Variants in CDC42BPB observed in about 807,000 individuals in gnomAD.
CDC42BPB encodes serine/threonine-protein kinase MRCK beta.
CDC42BPB carries 37 observed loss-of-function variants against 214.9 expected under a neutral mutation model. That is an observed-to-expected ratio of 0.17 (90% CI 0.13 to 0.23). CDC42BPB has a LOEUF of 0.23. Among genes scored for constraint, CDC42BPB ranks in the 10% least tolerant of loss-of-function variants. The probability of loss-of-function intolerance (pLI) is 1.00; values close to 1 mark genes in which losing one functional copy is unlikely to be tolerated. For synonymous variants in CDC42BPB, 931 were observed against 884.0 expected (o/e 1.05, Z -0.94); for missense variants, 1,694 against 2,227.0 (o/e 0.76, Z 4.82).
In CDC42BPB at chr14:102,974,019, G is replaced by C. The variant is rs1468655007; in HGVS notation, c.1638C>G (p.His546Gln). 1 of 1,607,704 alleles carries C rather than the reference G, an allele frequency of 6.2e-7. No individual in the cohort carries two copies. Among genetic ancestry groups the C allele is most frequent in the South Asian group, 1.1e-5 (1 of 90,626 alleles). ...CACCCCAAACTGAGCCACCTACCTT[G>C]TGCAGCTCCTCCTTCTCCTGCCGGA... ...RVVRQEKEEL[H>Q]KQLVEASERL... The change falls in exon 12 of 37, where the codon CAC becomes CAG. Residue 546 changes from histidine (H) to glutamine (Q), a missense_variant. Around this residue, in one of 7 missense-constraint regions of CDC42BPB, gnomAD observed 462 missense variants for 513.5 expected, o/e 0.90. Transcript: ENST00000361246.
intron 19 of CDC42BPB, 59 bp from the exon 20 acceptor site, chr14:102,963,214 A>T (rs1343425056): frequency 6.4e-7 from 1 of 1,559,964 alleles, no homozygotes. Context: ...GTGAGCTGGT[A>T]TGGGGCAGGT....
At chr14:102,963,894 A>AG (rs772471092) in intron 19 of CDC42BPB, among the ~76,000 whole-genome samples, 85 of 152,244 alleles carry the variant, frequency 5.6e-4, no homozygotes, top group Non-Finnish European at 9.4e-4. Flanking sequence ...TGTCCCTTCC[A>AG]GGTCCTCGCC....
intron 4 of CDC42BPB, chr14:102,999,967 G>T: frequency 2.1e-6 from 2 of 947,296 alleles, no homozygotes; most frequent in Non-Finnish European, 2.5e-6. Flanking sequence ...TGGGAGGAAT[G>T]ATGAAAGGGC....
intron 20 of CDC42BPB, 39 bp from the exon 21 acceptor site, chr14:102,959,749 TAA>T: frequency 1.3e-6 from 2 of 1,546,700 alleles, no homozygotes; most frequent in Non-Finnish European, 1.8e-6. Flanking sequence ...GCAAAAAAAC[TAA>T]AGTCTACATA....
intron 19 of CDC42BPB, chr14:102,963,449 T>C (rs34407983): frequency 0.12 from 24,864 of 207,908 alleles, 3,672 homozygotes; most frequent in African/African-American, 0.4. Flanking sequence ...CCTCTGTTCT[T>C]CAGGGACACA....
chr14:103,031,959 A>G (rs185625332), intron 1 of CDC42BPB, among the ~76,000 whole-genome samples: 31 of 152,082 alleles, frequency 2.0e-4, no homozygotes, highest in South Asian at 6.2e-4. Flanking sequence ...AACAACTACT[A>G]TAAGACCTGC....
intron 1 of CDC42BPB, among the ~76,000 whole-genome samples, chr14:103,039,527 C>A (rs1042381074): frequency 6.6e-6 from 1 of 152,102 alleles, no homozygotes; most frequent in Non-Finnish European, 1.5e-5. Flanking sequence ...ACGAGCCACA[C>A]AACTATCTCA....
intron 1 of CDC42BPB, chr14:103,012,455 A>G (rs1441654881): frequency 6.3e-6 from 1 of 159,916 alleles, no homozygotes; most frequent in African/African-American, 2.4e-5. Context: ...CATACAGAAC[A>G]GTGATCCCAC....
chr14:103,003,408 T>C (rs1895081728), intron 4 of CDC42BPB, among the ~76,000 whole-genome samples: 1 of 152,214 alleles, frequency 6.6e-6, no homozygotes, highest in African/African-American at 2.4e-5. Flanking sequence ...GGCTGGTCCA[T>C]CTGTCCTGAA....
At chr14:102,976,153 A>G (rs1893732888) in intron 9 of CDC42BPB, 104 bp from the exon 10 acceptor site, 1 of 1,516,330 alleles carries the variant, frequency 6.6e-7, no homozygotes, top group South Asian at 1.3e-5. Context: ...TAAATCAGCA[A>G]ACAAAAACAC....
chr14:102,986,993 G>A (rs903378091), intron 5 of CDC42BPB, among the ~76,000 whole-genome samples: 3 of 152,154 alleles, frequency 2.0e-5, no homozygotes, highest in African/African-American at 4.8e-5. Flanking sequence ...AGGCTCACAC[G>A]GTGCAAGCTC....
At chr14:102,975,657 T>G (rs1013143352) in intron 11 of CDC42BPB, 27 bp downstream of exon 11, 1 of 1,610,420 alleles carries the variant, frequency 6.2e-7, no homozygotes, top group African/African-American at 1.3e-5. Flanking sequence ...AAATAGAGAC[T>G]AAGAAGTCAC....
intron 6 of CDC42BPB, 65 bp downstream of exon 6, chr14:102,986,422 A>C: frequency 9.5e-7 from 1 of 1,053,716 alleles, no homozygotes; most frequent in Non-Finnish European, 1.4e-6. Context: ...TCAAATTGAA[A>C]ACTTCCCTTC....
chr14:103,051,583 G>A (rs1888611599), intron 1 of CDC42BPB, among the ~76,000 whole-genome samples: 1 of 152,210 alleles, frequency 6.6e-6, no homozygotes. Flanking sequence ...AGGGCACCTG[G>A]CTTGCGACAA....
chr14:102,944,445 T>C lies in CDC42BPB; in HGVS notation c.3854A>G (p.Glu1285Gly), dbSNP rs749941853. 6.2e-7 allele frequency: 1 copy of C among 1,612,926 alleles called. No individual in the cohort carries two copies. Among genetic ancestry groups the C allele is most frequent in the South Asian group, 1.1e-5 (1 of 91,086 alleles). ...TACGATCTTCTCCCTGGGAGCAAGCTCGATCTGGTGTACCTTCTTACAGTC... is the reference window on the plus strand; with the variant it reads ...TACGATCTTCTCCCTGGGAGCAAGCCCGATCTGGTGTACCTTCTTACAGTC... Reference protein sequence around the residue: ...AADCKKVHQIELAPREKIVIL... With the variant: ...AADCKKVHQIGLAPREKIVIL... The change falls in exon 30 of 37, where the codon GAG (glutamate) becomes GGG (glycine). Residue 1285 changes from glutamate to glycine, a missense_variant. Around this residue, in one of 7 missense-constraint regions of CDC42BPB, gnomAD observed 567 missense variants for 790.3 expected, o/e 0.72. Transcript: ENST00000361246. This position sits in a 1 kb window ranked among gnomAD's most constrained non-coding sequence, Gnocchi z 6.6.
chr14:102,949,840 T>C lies in CDC42BPB; in HGVS notation c.3374A>G (p.Lys1125Arg), dbSNP rs755934852. The C allele has an allele frequency of 3.7e-6, 6 of 1,613,546 alleles. No homozygotes were observed. Among genetic ancestry groups the C allele is most frequent in the South Asian group, 3.3e-5 (3 of 91,082 alleles). ...QRAYAVVCDCKLFLYDLPEGK... is the reference protein window; with the variant it reads ...QRAYAVVCDCRLFLYDLPEGK... ...TTCAGGCAGATCATACAGGAAGAGC[T>C]TGCAGTCACAGACGACTGCATATGC... is the stretch of plus-strand genomic sequence containing the variant. Residue 1125 changes from lysine (K) to arginine (R), a missense_variant, in exon 26 of 37, where the codon AAG (lysine) becomes AGG (arginine). Lys to Arg is a conservative substitution (Grantham distance 26, BLOSUM62 2). Transcript: ENST00000361246.
At chr14:103,019,133 T>C (rs1184882916) in intron 1 of CDC42BPB, among the ~76,000 whole-genome samples, 1 of 152,062 alleles carries the variant, frequency 6.6e-6, no homozygotes, top group African/African-American at 2.4e-5. Context: ...GGGGTCTTGC[T>C]GTATTGTCCA....
Position 102,981,037 on chromosome 14 carries a change from A to G in CDC42BPB, c.892-16T>C. 6.2e-7 allele frequency: 1 copy of G among 1,613,930 alleles called. No individual in the cohort carries two copies. On this transcript the variant is annotated splice_polypyrimidine_tract_variant and intron_variant, in intron 7 of 36. Transcript: ENST00000361246. ...GGAATCGCTCCTGCAAGGGGTGGCA[A>G]AAACACCGGTGGACAGGTGGACGCA...
In CDC42BPB at chr14:102,968,478, C is replaced by A. The variant is rs373866056; in HGVS notation, c.2234G>T (p.Arg745Leu). The change falls in exon 15 of 37, where the codon CGA becomes CTA. Residue 745 changes from arginine to leucine, a missense_variant. Coordinates refer to ENST00000361246, the MANE Select transcript of CDC42BPB (RefSeq NM_006035.4). ...MLKDKLEKSK[R>L]ERHNEMEEAV... ...GAAGCTCATGAAAACCTACCGTTCT[C>A]GCTTTGACTTTTCTAACTTATCTTT... 6.2e-7 allele frequency: 1 copy of A among 1,614,114 alleles called. No homozygotes were observed. Among genetic ancestry groups the A allele is most frequent in the Non-Finnish European group, 8.5e-7 (1 of 1,180,044 alleles).
Sources: allele counts gnomAD v4.1 joint callset (sites outside exome capture counted in the v4.1 genomes callset), GRCh38; gene constraint gnomAD v4.1.1; regional missense constraint gnomAD v4.1.1; non-coding constraint Gnocchi (gnomAD v3.1); transcripts MANE v1.5; gene names NCBI Gene and HGNC (gene_info 2026-07-23, HGNC 2026-07-21).